DIP2C: variants seen among roughly 807,000 people sequenced by gnomAD.
DIP2C encodes disco-interacting protein 2 homolog C.
In DIP2C, 33 loss-of-function variants were observed where a neutral mutation model predicts 192.4. That is an observed-to-expected ratio of 0.17 (90% CI 0.13 to 0.23). The LOEUF (loss-of-function observed/expected upper bound fraction) is 0.23, where lower values mean the gene tolerates loss of function less well. DIP2C is among the 10% of genes least tolerant of loss of function. The pLI, the probability that DIP2C is intolerant of heterozygous loss-of-function variation, is 1.00. For synonymous variants in DIP2C, 979 were observed against 864.1 expected, an observed-to-expected ratio of 1.13 and a Z score of -2.33; for missense variants, 1,537 against 2,110.1, an observed-to-expected ratio of 0.73 and a Z score of 5.32.
At chr10:635,814 G>C (rs932665291) in intron 1 of DIP2C, among the ~76,000 whole-genome samples, 3 of 152,218 alleles carry the variant, frequency 2.0e-5, no homozygotes, top group East Asian at 3.9e-4. Flanking sequence ...TCAGTGAAGG[G>C]TCTTGTCAGG....
chr10:307,283 C>T (rs1956367673), intron 32 of DIP2C, among the ~76,000 whole-genome samples: 1 of 152,240 alleles, frequency 6.6e-6, no homozygotes, highest in Admixed American at 6.5e-5. Flanking sequence ...GAGTGTAATA[C>T]CTCGTCCCAG....
Position 580,371 on chromosome 10 carries a change from T to G in DIP2C, c.86-93841A>C, listed in dbSNP as rs182377014. ...CATGCATGCTTACAGTGTGCACACA[T>G]GTATATATATAAGTACACAAATGTG... On this transcript the variant is annotated intron_variant, in intron 1 of 36. Coordinates refer to ENST00000280886, the MANE Select transcript of DIP2C (RefSeq NM_014974.3). Among the ~76,000 whole-genome samples the G allele has an allele frequency of 2.6e-5, 4 of 152,270 alleles. No individual in the cohort carries two copies. The East Asian group carries it at 7.7e-4, about 29-fold the overall frequency.
At chr10:374,701 G>A (rs894058575) in intron 17 of DIP2C, among the ~76,000 whole-genome samples, 2 of 152,184 alleles carry the variant, frequency 1.3e-5, no homozygotes, top group African/African-American at 2.4e-5. Flanking sequence ...TGTGTTCCCT[G>A]TATTATTGAG....
At position 651,138 on chromosome 10, in the gene DIP2C, T is replaced by G; in HGVS notation, c.85+38356A>C. 1.4e-6 allele frequency: 1 copy of G among 717,500 alleles called. No individual in the cohort carries two copies. The highest frequency in any genetic ancestry group is 2.6e-6 in the Non-Finnish European group (1 of 385,106). The allele number at this position is 717,500 out of a possible 1,614,324, so 44.4% of individuals were successfully genotyped here. ...CTCGCCACACTCAGTCAATGTCCAC[T>G]GGGGGCCTCAGGGGCACCTCCACCT... On this transcript the variant is annotated intron_variant, in intron 1 of 36. Coordinates refer to ENST00000280886, the MANE Select transcript of DIP2C (RefSeq NM_014974.3). This position sits in a 1 kb window ranked among gnomAD's most constrained non-coding sequence, Gnocchi z 4.1.
At chr10:547,237 G>C (rs964116307) in intron 1 of DIP2C, among the ~76,000 whole-genome samples, 6 of 152,188 alleles carry the variant, frequency 3.9e-5, no homozygotes, top group African/African-American at 1.4e-4. Context: ...CCCATCGCGA[G>C]GCCACAGCCT....
chr10:476,563 T>C (rs139755548), intron 2 of DIP2C, among the ~76,000 whole-genome samples: 21 of 152,304 alleles, frequency 1.4e-4, no homozygotes, highest in Non-Finnish European at 1.0e-4. Context: ...GCAGAAGTGA[T>C]CCATGAGTGC....
intron 4 of DIP2C, among the ~76,000 whole-genome samples, chr10:424,944 T>C (rs560539004): frequency 1.8e-4 from 28 of 151,864 alleles, no homozygotes; most frequent in African/African-American, 3.4e-4. Context: ...GTGACTAATA[T>C]GACACAGATG....
Position 399,103 on chromosome 10 carries a change from C to A in DIP2C, c.1260+6G>T. 6.2e-7 allele frequency: 1 copy of A among 1,612,364 alleles called. No homozygotes were observed. On this transcript the variant is annotated splice_donor_region_variant and intron_variant, in intron 10 of 36. Coordinates refer to ENST00000280886, the MANE Select transcript of DIP2C (RefSeq NM_014974.3). ...CGAGAAACCGAGCAAAGGGCGCATT[C>A]CTTACCTTCCTGGTGAGCGGCACCT...
intron 1 of DIP2C, among the ~76,000 whole-genome samples, chr10:540,720 A>G (rs931624002): frequency 2.6e-5 from 4 of 152,186 alleles, no homozygotes; most frequent in African/African-American, 7.2e-5. Flanking sequence ...CCACAATAAA[A>G]AGACTAACTG....
Position 380,124 on chromosome 10 carries a change from C to T in DIP2C, c.1991+2523G>A, listed in dbSNP as rs1449010265. Among the ~76,000 whole-genome samples, 7 of 141,562 alleles carry T rather than the reference C, an allele frequency of 4.9e-5. No individual in the cohort carries two copies. In the East Asian group the frequency reaches 1.6e-3, roughly 33 times the overall value. 92.9% of individuals were successfully genotyped at this position (141,562 alleles called of 152,430 possible). On this transcript the variant is annotated intron_variant, in intron 17 of 36. Coordinates refer to ENST00000280886, the MANE Select transcript of DIP2C (RefSeq NM_014974.3). ...GAGGCTGTCCCTGGAAGATGGTTAA[C>T]GTGCAGAAGAGGCTGTCCCTGGATG...
At chr10:457,113 G>T (rs1373532886) in intron 3 of DIP2C, among the ~76,000 whole-genome samples, 1 of 152,188 alleles carries the variant, frequency 6.6e-6, no homozygotes, top group Non-Finnish European at 1.5e-5. Context: ...GATCTAGGAG[G>T]AGTTGCTTAT....
intron 10 of DIP2C, among the ~76,000 whole-genome samples, chr10:392,131 A>C (rs891747697): frequency 6.6e-6 from 1 of 152,142 alleles, no homozygotes; most frequent in African/African-American, 2.4e-5. Context: ...GTAAAGCCCT[A>C]ATCAGTCACT....
rs558724919 is a variant in DIP2C at position 345,221 on chromosome 10, G to C, written c.3232-111C>G. On this transcript the variant is annotated intron_variant, in intron 26 of 36. Transcript: ENST00000280886. ...TACACTAAAACCATGTAGCTTTAACGGGCAGATGAGGTTACCGAGCCCTCC... is the reference window on the plus strand; with the variant it reads ...TACACTAAAACCATGTAGCTTTAACCGGCAGATGAGGTTACCGAGCCCTCC... 2.8e-6 allele frequency: 3 copies of C among 1,065,620 alleles called. No individual in the cohort carries two copies. The East Asian group carries it at 7.7e-5, about 27-fold the overall frequency. 66.0% of individuals were successfully genotyped at this position (1,065,620 alleles called of 1,614,324 possible). A position where few individuals can be genotyped will look rare whatever the true frequency, so the allele number is the denominator to read the frequency against.
intron 17 of DIP2C, among the ~76,000 whole-genome samples, chr10:372,168 C>T (rs539421971): frequency 4.6e-5 from 7 of 151,800 alleles, no homozygotes; most frequent in South Asian, 2.1e-4. Context: ...CTCTGCCTCC[C>T]GGATTCAAGC....
At chr10:544,101 T>C (rs1848152078) in intron 1 of DIP2C, among the ~76,000 whole-genome samples, 1 of 152,244 alleles carries the variant, frequency 6.6e-6, no homozygotes, top group Non-Finnish European at 1.5e-5. Flanking sequence ...CCTTTGGTAC[T>C]GCCATCTTTC....
chr10:355,157 C>T (rs989673733), intron 24 of DIP2C, among the ~76,000 whole-genome samples: 4 of 152,128 alleles, frequency 2.6e-5, no homozygotes, highest in African/African-American at 7.2e-5. Context: ...CACCAGCGAA[C>T]GAGGGCCAGA....
chr10:685,551 G>A (rs1011704560), intron 1 of DIP2C, among the ~76,000 whole-genome samples: 1 of 152,118 alleles, frequency 6.6e-6, no homozygotes, highest in Non-Finnish European at 1.5e-5. Context: ...AAATGGGAAA[G>A]AGCTCCTTCT....
intron 1 of DIP2C, among the ~76,000 whole-genome samples, chr10:536,004 C>T (rs771500940): frequency 2.0e-5 from 3 of 152,340 alleles, no homozygotes; most frequent in South Asian, 2.1e-4. Flanking sequence ...ATGGATGGTA[C>T]GTCAGCTCCC....
chr10:560,628 AAATT>A (rs1849160327), intron 1 of DIP2C, among the ~76,000 whole-genome samples: 1 of 152,256 alleles, frequency 6.6e-6, no homozygotes, highest in Non-Finnish European at 1.5e-5. Flanking sequence ...ATTGACTTTC[AAATT>A]AATCTGCTAA....
Sources: allele counts gnomAD v4.1 joint callset (sites outside exome capture counted in the v4.1 genomes callset), GRCh38; gene constraint gnomAD v4.1.1; non-coding constraint Gnocchi (gnomAD v3.1); transcripts MANE v1.5; gene names NCBI Gene and HGNC (gene_info 2026-07-23, HGNC 2026-07-21).